The following CANT1 variants were observed in gnomAD, a reference collection of about 807,000 sequenced individuals.
The protein encoded by CANT1 is calcium activated nucleotidase 1, also known as soluble calcium-activated nucleotidase 1.
Under a neutral mutation model 30.0 loss-of-function variants are expected in CANT1, and 26 were observed. The ratio of observed to expected loss-of-function variants is 0.87; its 90% CI spans 0.64 to 1.20. CANT1 has a LOEUF of 1.20. Ranked by LOEUF, CANT1 falls within the 50% of genes most tolerant of loss-of-function variation. The pLI, the probability that CANT1 is intolerant of heterozygous loss-of-function variation, is 0.00. For missense variants in CANT1, 518 were observed against 563.0 expected, an observed-to-expected ratio of 0.92 and a Z score of 0.81; for synonymous variants, 246 against 251.8, an observed-to-expected ratio of 0.98 and a Z score of 0.22.
chr17:79,009,235 C>T (rs555678518), intron 1 of CANT1, among the ~76,000 whole-genome samples: 21 of 149,280 alleles, frequency 1.4e-4, no homozygotes, highest in African/African-American at 5.2e-4. Flanking sequence ...GGGATGGTCC[C>T]CAAACTAATT....
rs766636091 is a variant in CANT1, at chr17:78,992,756, G to C, written c.*794C>G. On this transcript the variant is annotated 3_prime_UTR_variant, in exon 5 of 5. Transcript: ENST00000392446. ...CGCCACCGCTTCCTTACAATCTCCC[G>C]CACTGCTGGAGCGGGCTGGGTAACT... 2 of 592,574 alleles carry C rather than the reference G, an allele frequency of 3.4e-6. No homozygotes were observed. Among genetic ancestry groups the C allele is most frequent in the East Asian group, 6.8e-5 (2 of 29,324 alleles). 36.7% of individuals were successfully genotyped at this position (592,574 alleles called of 1,614,324 possible).
chr17:78,992,988 C>T lies in CANT1; in HGVS notation c.*562G>A. On this transcript the variant is annotated 3_prime_UTR_variant, in exon 5 of 5. Transcript: ENST00000392446. ...ACCAACAGATGTGCCTGCGCCCTGG[C>T]CTGTGCAGCTGTGGGCAGATGTGTC... The T allele has an allele frequency of 2.9e-6, 1 of 348,752 alleles. No homozygotes were observed. Among genetic ancestry groups the T allele is most frequent in the South Asian group, 3.7e-5 (1 of 26,880 alleles). 21.6% of individuals were successfully genotyped at this position (348,752 alleles called of 1,614,324 possible). A position where few individuals can be genotyped will look rare whatever the true frequency, so the allele number is the denominator to read the frequency against.
intron 1 of CANT1, 122 bp downstream of exon 1, chr17:79,009,542 G>A (rs2071673707): frequency 6.6e-6 from 1 of 152,464 alleles, no homozygotes; most frequent in South Asian, 2.0e-4. Context: ...GGGACGGGAA[G>A]GGGGCCTGAC....
intron 1 of CANT1, among the ~76,000 whole-genome samples, chr17:78,999,036 G>C (rs1011422715): frequency 6.6e-6 from 1 of 152,172 alleles, no homozygotes; most frequent in Non-Finnish European, 1.5e-5. Flanking sequence ...CCCCACCAGA[G>C]ACACCCCCTT....
In CANT1 at chr17:78,992,155, G is replaced by T. The variant is rs2070861372; in HGVS notation, c.*1395C>A. On this transcript the variant is annotated 3_prime_UTR_variant, in exon 5 of 5. Transcript: ENST00000392446. Reference sequence around the variant, plus strand: ...TCCTCCACTACCTATGACATAGCGGGGGAAAGAGACAACCATGAGAGAGGG... The same window carrying T: ...TCCTCCACTACCTATGACATAGCGGTGGAAAGAGACAACCATGAGAGAGGG... 1 of 232,634 alleles carries T rather than the reference G, an allele frequency of 4.3e-6. No individual in the cohort carries two copies. The highest frequency in any genetic ancestry group is 2.2e-5 in the African/African-American group (1 of 45,266). 14.4% of individuals were successfully genotyped at this position (232,634 alleles called of 1,614,324 possible).
rs558329227 is a variant in CANT1 at position 78,998,446 on chromosome 17, C to T, written c.-146-483G>A. The stretch of plus-strand genomic sequence containing the variant: ...TGCGCTGCCCTGACTGCCTGGAGGC[C>T]AGCGTGTCTGTGCCTTGGCGCCAAA... On this transcript the variant is annotated intron_variant, in intron 1 of 4. Coordinates refer to ENST00000392446, the MANE Select transcript of CANT1 (RefSeq NM_001159773.2). This position sits in a 1 kb window ranked among gnomAD's most constrained non-coding sequence, Gnocchi z 4.5. Among the ~76,000 whole-genome samples the T allele has an allele frequency of 1.3e-5, 2 of 152,364 alleles. No homozygotes were observed. Among genetic ancestry groups the T allele is most frequent in the Admixed American group, 6.5e-5 (1 of 15,314 alleles).
intron 1 of CANT1, among the ~76,000 whole-genome samples, chr17:79,007,342 A>C (rs1370677968): frequency 6.6e-6 from 1 of 152,242 alleles, no homozygotes; most frequent in African/African-American, 2.4e-5. Flanking sequence ...GAGTGCACTG[A>C]GTGAAAAGAA....
chr17:78,997,661 G>A lies in CANT1; in HGVS notation c.-22-17C>T, dbSNP rs2145840918. ...AGGCGGGACCTGCACAGCCAGGGAG[G>A]GAGGAGAGGAGTCAGCGCCTCCGCA... On this transcript the variant is annotated splice_polypyrimidine_tract_variant and intron_variant, in intron 2 of 4. Coordinates refer to ENST00000392446, the MANE Select transcript of CANT1 (RefSeq NM_001159773.2). This position sits in a 1 kb window ranked among gnomAD's most constrained non-coding sequence, Gnocchi z 7.5. 2 of 1,520,104 alleles carry A rather than the reference G, an allele frequency of 1.3e-6. No homozygotes were observed. Among genetic ancestry groups the A allele is most frequent in the Non-Finnish European group, 1.8e-6 (2 of 1,134,102 alleles). The allele number at this position is 1,520,104 out of a possible 1,614,324, so 94.2% of individuals were successfully genotyped here. A position where few individuals can be genotyped will look rare whatever the true frequency, so the allele number is the denominator to read the frequency against.
In CANT1 at chr17:78,997,043, T is replaced by C; in HGVS notation, c.580A>G (p.Lys194Glu). 1 of 1,614,238 alleles carries C rather than the reference T, an allele frequency of 6.2e-7. No individual in the cohort carries two copies. Among genetic ancestry groups the C allele is most frequent in the Non-Finnish European group, 8.5e-7 (1 of 1,180,042 alleles). The change falls in exon 3 of 5, where the codon AAA becomes GAA. Residue 194 changes from lysine to glutamate, a missense_variant. Coordinates refer to ENST00000392446, the MANE Select transcript of CANT1 (RefSeq NM_001159773.2). The surrounding 1 kb of genome is among the most constrained non-coding windows in gnomAD (Gnocchi z 7.5). ...TGVVYQIEGS[K>E]AVPWVILSDG... The stretch of plus-strand genomic sequence containing the variant: ...GACAGAATCACCCAGGGCACGGCTT[T>C]GCTGCCTTCGATCTGGTAGACGACC...
chr17:78,994,306 G>A (rs73999360), intron 4 of CANT1, among the ~76,000 whole-genome samples: 4 of 152,190 alleles, frequency 2.6e-5, no homozygotes, highest in Non-Finnish European at 4.4e-5. Context: ...AGGAGACAGC[G>A]TCTGGGGCCC....
rs774174867 is a variant in CANT1 at position 78,997,639 on chromosome 17, C to T, written c.-17G>A. 10 of 1,556,846 alleles carry T rather than the reference C, an allele frequency of 6.4e-6. No homozygotes were observed. The highest frequency in any genetic ancestry group is 1.2e-5 in the South Asian group (1 of 82,522). On this transcript the variant is annotated 5_prime_UTR_variant, in exon 3 of 5. Transcript: ENST00000392446. The surrounding 1 kb of genome is among the most constrained non-coding windows in gnomAD (Gnocchi z 7.5). ...CACGGGCATCAGCGTGACAGACAGG[C>T]GGGACCTGCACAGCCAGGGAGGGAG...
rs956974134 is a variant in CANT1, at chr17:78,993,383, C to T, written c.*167G>A. Reference sequence around the variant, plus strand: ...AGTTCAGACCGCGGCCTCCGTGGGGCCCGGGGGTCCAGTGCCCGCACCACT... The same window carrying T: ...AGTTCAGACCGCGGCCTCCGTGGGGTCCGGGGGTCCAGTGCCCGCACCACT... On this transcript the variant is annotated 3_prime_UTR_variant, in exon 5 of 5. Coordinates refer to ENST00000392446, the MANE Select transcript of CANT1 (RefSeq NM_001159773.2). The surrounding 1 kb of genome is among the most constrained non-coding windows in gnomAD (Gnocchi z 4.5). The T allele has an allele frequency of 2.1e-6, 2 of 969,664 alleles. No homozygotes were observed. Among genetic ancestry groups the T allele is most frequent in the Admixed American group, 2.2e-5 (1 of 44,564 alleles). 60.1% of individuals were successfully genotyped at this position (969,664 alleles called of 1,614,324 possible).
rs1475697862 is a variant in CANT1 at position 78,998,996 on chromosome 17, C to T, written c.-146-1033G>A. On this transcript the variant is annotated intron_variant, in intron 1 of 4. Transcript: ENST00000392446. The surrounding 1 kb of genome is among the most constrained non-coding windows in gnomAD (Gnocchi z 4.5). ...GGCCCCAAATATGTGGACCACGAGG[C>T]CCTGGTGCACGGCAGCCAGCAACAG... Among the ~76,000 whole-genome samples the T allele has an allele frequency of 6.6e-6, 1 of 152,212 alleles. No individual in the cohort carries two copies. The highest frequency in any genetic ancestry group is 2.4e-5 in the African/African-American group (1 of 41,448).
rs1244718039 is a variant in CANT1, at chr17:78,992,029, C to G, written c.*1521G>C. 4.3e-6 allele frequency: 1 copy of G among 231,616 alleles called. No homozygotes were observed. The highest frequency in any genetic ancestry group is 8.5e-6 in the Non-Finnish European group (1 of 117,094). The allele number at this position is 231,616 out of a possible 1,614,324, so 14.3% of individuals were successfully genotyped here. ...TGATCTAGGAGGCGGGTCAAGGAGA[C>G]AGCCAGGCAAAGTCAGAACAGACTT... On this transcript the variant is annotated 3_prime_UTR_variant, in exon 5 of 5. Transcript: ENST00000392446.
rs370801385 is a variant in CANT1 at position 78,995,098 on chromosome 17, C to T, written c.755G>A (p.Gly252Asp). ...CTCGTGGTCCACGCTGCCCTTGTAG[C>T]CCACCACCTTCACCCACTCCGGGTT... ...NENPEWVKVV[G>D]YKGSVDHENW... is the part of the protein sequence containing the mutation. The change falls in exon 4 of 5, where the codon GGC becomes GAC. Residue 252 changes from glycine to aspartate, a missense_variant. Gly to Asp is a moderately conservative substitution (Grantham distance 94). Around this residue, in one of 3 missense-constraint regions of CANT1, gnomAD observed 48 missense variants for 82.5 expected, o/e 0.58. Coordinates refer to ENST00000392446, the MANE Select transcript of CANT1 (RefSeq NM_001159773.2). The surrounding 1 kb of genome is among the most constrained non-coding windows in gnomAD (Gnocchi z 5.7). 1.9e-6 allele frequency: 3 copies of T among 1,612,154 alleles called. No individual in the cohort carries two copies. In the African/African-American group the frequency reaches 4.0e-5, roughly 22 times the overall value.
Position 78,995,147 on chromosome 17 carries a change from T to C in CANT1, c.706A>G (p.Thr236Ala), listed in dbSNP as rs1324646231. The change falls in exon 4 of 5, where the codon ACT (threonine) becomes GCT (alanine). Residue 236 changes from threonine (T) to alanine (A), a missense_variant. Thr to Ala is a moderately conservative substitution (Grantham distance 58). Coordinates refer to ENST00000392446, the MANE Select transcript of CANT1 (RefSeq NM_001159773.2). This position sits in a 1 kb window ranked among gnomAD's most constrained non-coding sequence, Gnocchi z 5.7. ...TTCTCGTTCACCACATCACCCGTAG[T>C]GGTCGTCCACTCCTTGCCCAGGCCG... ...VGGLGKEWTTTTGDVVNENPE... is the reference protein window; with the variant it reads ...VGGLGKEWTTATGDVVNENPE... 6.2e-7 allele frequency: 1 copy of C among 1,613,914 alleles called. No individual in the cohort carries two copies. The highest frequency in any genetic ancestry group is 1.3e-5 in the African/African-American group (1 of 74,882).
rs1272373501 is a variant in CANT1 at position 78,997,677 on chromosome 17, C to T, written c.-22-33G>A. ...GCCAGGGAGGGAGGAGAGGAGTCAG[C>T]GCCTCCGCAAGCCCAGTCACATCTT... is the stretch of plus-strand genomic sequence containing the variant. On this transcript the variant is annotated intron_variant, in intron 2 of 4. Coordinates refer to ENST00000392446, the MANE Select transcript of CANT1 (RefSeq NM_001159773.2). This position sits in a 1 kb window ranked among gnomAD's most constrained non-coding sequence, Gnocchi z 7.5. 20 of 1,490,300 alleles carry T rather than the reference C, an allele frequency of 1.3e-5. No homozygotes were observed. Among genetic ancestry groups the T allele is most frequent in the South Asian group, 6.9e-5 (5 of 71,994 alleles). 92.3% of individuals were successfully genotyped at this position (1,490,300 alleles called of 1,614,324 possible).
chr17:78,991,993 A>G lies in CANT1; in HGVS notation c.*1557T>C, dbSNP rs2070856520. 1 of 231,452 alleles carries G rather than the reference A, an allele frequency of 4.3e-6. No homozygotes were observed. Among genetic ancestry groups the G allele is most frequent in the Admixed American group, 5.6e-5 (1 of 17,712 alleles). 14.3% of individuals were successfully genotyped at this position (231,452 alleles called of 1,614,324 possible). On this transcript the variant is annotated 3_prime_UTR_variant, in exon 5 of 5. Transcript: ENST00000392446. ...CTATTTTAAATGACCCAGCCTGGAC[A>G]TCAAGGACAATGATCTAGGAGGCGG... is the stretch of plus-strand genomic sequence containing the variant.
chr17:78,999,669 T>G (rs2071180027), intron 1 of CANT1, among the ~76,000 whole-genome samples: 2 of 140,428 alleles, frequency 1.4e-5, no homozygotes, highest in Non-Finnish European at 3.1e-5. Context: ...TTTTTTTTTT[T>G]GGAGACAGAG....
Sources: allele counts gnomAD v4.1 joint callset (sites outside exome capture counted in the v4.1 genomes callset), GRCh38; gene constraint gnomAD v4.1.1; regional missense constraint gnomAD v4.1.1; non-coding constraint Gnocchi (gnomAD v3.1); transcripts MANE v1.5; gene names NCBI Gene and HGNC (gene_info 2026-07-23, HGNC 2026-07-21).